UNC5C: variants seen among roughly 807,000 people sequenced by gnomAD.
UNC5C encodes unc-5 netrin receptor C, also known as netrin receptor UNC5C.
Under a neutral mutation model 99.8 loss-of-function variants are expected in UNC5C, and 47 were observed. That is an observed-to-expected ratio of 0.47 (90% CI 0.37 to 0.60). UNC5C has a LOEUF of 0.60. Ranked by LOEUF, UNC5C falls within the 20% of genes least tolerant of loss-of-function variation. The pLI is 0.00. For missense variants in UNC5C, 1,062 were observed against 1,165.9 expected (o/e 0.91, Z 1.30); for synonymous variants, 487 against 452.2 (o/e 1.08, Z -0.98).
At chr4:95,188,699 CAA>C (rs1736936894) in intron 12 of UNC5C, among the ~76,000 whole-genome samples, 1 of 152,168 alleles carries the variant, frequency 6.6e-6, no homozygotes, top group Non-Finnish European at 1.5e-5. Flanking sequence ...AGAAAAATAA[CAA>C]ATATACAACT....
chr4:95,407,610 G>A (rs1170746611), intron 1 of UNC5C, among the ~76,000 whole-genome samples: 1 of 152,104 alleles, frequency 6.6e-6, no homozygotes, highest in African/African-American at 2.4e-5. Flanking sequence ...ATTTTAGTAT[G>A]TAGAAATCTA....
At chr4:95,221,258 TA>T (rs1338960146) in intron 7 of UNC5C, among the ~76,000 whole-genome samples, 7 of 152,260 alleles carry the variant, frequency 4.6e-5, no homozygotes, top group Non-Finnish European at 7.3e-5. Context: ...CCACTCACTG[TA>T]AAAGAGGTTG....
chr4:95,511,493 T>C (rs1722069711), intron 1 of UNC5C, among the ~76,000 whole-genome samples: 1 of 152,116 alleles, frequency 6.6e-6, no homozygotes, highest in South Asian at 2.1e-4. Context: ...TTAAATTACA[T>C]GGAGGAAAAC....
At chr4:95,195,723 C>G (rs1182649611) in intron 12 of UNC5C, among the ~76,000 whole-genome samples, 7 of 152,150 alleles carry the variant, frequency 4.6e-5, no homozygotes, top group African/African-American at 1.7e-4. Flanking sequence ...GAGCATCACA[C>G]AATTCTCAAC....
chr4:95,351,464 T>A (rs147622733), intron 1 of UNC5C, among the ~76,000 whole-genome samples: 2 of 151,996 alleles, frequency 1.3e-5, no homozygotes, highest in African/African-American at 2.4e-5. Flanking sequence ...AAAACAGAAA[T>A]GTGCATATTT....
At position 95,350,206 on chromosome 4, in the gene UNC5C, G is replaced by C. The variant is rs1313966415; in HGVS notation, c.125-14575C>G. ...ACATAGGGAATTAAGAAAAAGTTCC[G>C]GCTGGGCGCGATGGTTCACGCCTGT... On this transcript the variant is annotated intron_variant, in intron 1 of 15. Transcript: ENST00000453304. 3.3e-5 allele frequency among the ~76,000 whole-genome samples: 5 copies of C among 152,174 alleles called. No individual in the cohort carries two copies. The South Asian group carries it at 8.3e-4, about 25-fold the overall frequency.
chr4:95,202,511 G>A (rs1737716985), intron 12 of UNC5C, among the ~76,000 whole-genome samples: 1 of 152,192 alleles, frequency 6.6e-6, no homozygotes, highest in Non-Finnish European at 1.5e-5. Flanking sequence ...ATCAAGGAAG[G>A]TAAACAAAGT....
intron 1 of UNC5C, among the ~76,000 whole-genome samples, chr4:95,349,170 G>T (rs1291759132): frequency 6.6e-6 from 1 of 150,878 alleles, no homozygotes; most frequent in Admixed American, 6.6e-5. Context: ...TCGAGGTAAG[G>T]AATACTCCAT....
intron 3 of UNC5C, among the ~76,000 whole-genome samples, chr4:95,279,489 ATTTTG>A (rs1454917547): frequency 2.0e-5 from 3 of 152,154 alleles, no homozygotes; most frequent in Non-Finnish European, 4.4e-5. Context: ...CCATATAATT[ATTTTG>A]TTTTAATGGT....
At chr4:95,273,179 G>A (rs1740721761) in intron 4 of UNC5C, among the ~76,000 whole-genome samples, 1 of 152,152 alleles carries the variant, frequency 6.6e-6, no homozygotes, top group African/African-American at 2.4e-5. Context: ...CAGTTTCTAA[G>A]CACAACTGGG....
intron 1 of UNC5C, among the ~76,000 whole-genome samples, chr4:95,481,666 G>T (rs1345667642): frequency 3.9e-5 from 6 of 152,090 alleles, no homozygotes. Flanking sequence ...CAGAGATATA[G>T]ACCAATGGAA....
chr4:95,290,458 T>C (rs1413992595), intron 3 of UNC5C, among the ~76,000 whole-genome samples: 5 of 152,182 alleles, frequency 3.3e-5, no homozygotes, highest in African/African-American at 1.2e-4. Context: ...GGTTGTATGT[T>C]TTTTGCAACT....
chr4:95,271,279 G>C (rs1242327515), intron 4 of UNC5C, among the ~76,000 whole-genome samples: 1 of 151,608 alleles, frequency 6.6e-6, no homozygotes, highest in South Asian at 2.1e-4. Flanking sequence ...CCAGGCTGGA[G>C]TGCAGTGGCG....
chr4:95,457,354 G>GA (rs1214974281), intron 1 of UNC5C, among the ~76,000 whole-genome samples: 16 of 151,976 alleles, frequency 1.1e-4, no homozygotes, highest in Non-Finnish European at 1.6e-4. Flanking sequence ...CATGTTTCTT[G>GA]AAAAAAAGAA....
At chr4:95,541,658 GTTTT>G (rs1266210801) in intron 1 of UNC5C, among the ~76,000 whole-genome samples, 2 of 151,500 alleles carry the variant, frequency 1.3e-5, no homozygotes, top group Non-Finnish European at 2.9e-5. Context: ...TATACTCTAA[GTTTT>G]TTTAATTTTG....
chr4:95,525,596 T>TAAAAAAA (rs574532435), intron 1 of UNC5C, among the ~76,000 whole-genome samples: 20,586 of 101,004 alleles, frequency 0.2, 2,873 homozygotes, highest in East Asian at 0.35. Context: ...GCCTATTTCT[T>TAAAAAAA]AAAAAAAAAA....
At chr4:95,457,028 T>C (rs559158313) in intron 1 of UNC5C, among the ~76,000 whole-genome samples, 6 of 152,246 alleles carry the variant, frequency 3.9e-5, no homozygotes, top group Admixed American at 3.9e-4. Context: ...TTAGATACTC[T>C]TAAGTGAATC....
intron 1 of UNC5C, among the ~76,000 whole-genome samples, chr4:95,402,959 T>C (rs761157914): frequency 6.6e-6 from 1 of 152,220 alleles, no homozygotes. Context: ...ATGTATGAGA[T>C]ACTATTTCTT....
chr4:95,294,331 T>C (rs979255450), intron 3 of UNC5C, among the ~76,000 whole-genome samples: 22 of 152,284 alleles, frequency 1.4e-4, no homozygotes, highest in African/African-American at 5.1e-4. Flanking sequence ...ATTCTCTCAG[T>C]GAAAATGATG....
Sources: allele counts gnomAD v4.1 joint callset (sites outside exome capture counted in the v4.1 genomes callset), GRCh38; gene constraint gnomAD v4.1.1; transcripts MANE v1.5; gene names NCBI Gene and HGNC (gene_info 2026-07-23, HGNC 2026-07-21).